BCAS3: variants seen among roughly 807,000 people sequenced by gnomAD.
BCAS3 encodes BCAS3 microtubule associated cell migration factor, also known as BCAS4/BCAS3 fusion.
Under a neutral mutation model 116.1 loss-of-function variants are expected in BCAS3, and 53 were observed. The observed-to-expected ratio is 0.46, with a 90% CI of 0.37 to 0.57. BCAS3 has a LOEUF of 0.57. BCAS3 is among the 20% of genes least tolerant of loss of function. The probability of loss-of-function intolerance (pLI) is 0.00; values close to 1 mark genes in which losing one functional copy is unlikely to be tolerated. For synonymous variants in BCAS3, 391 were observed against 408.2 expected (o/e 0.96, Z 0.51); for missense variants, 917 against 1,165.4 (o/e 0.79, Z 3.10).
chr17:61,285,336 A>AAAAGAACTGAGTGCTGCT lies in BCAS3; in HGVS notation c.2426-82990_2426-82973dup, dbSNP rs1360401007. Among the ~76,000 whole-genome samples, 2 of 152,286 alleles carry AAAAGAACTGAGTGCTGCT rather than the reference A, an allele frequency of 1.3e-5. No individual in the cohort carries two copies. Among genetic ancestry groups the AAAAGAACTGAGTGCTGCT allele is most frequent in the East Asian group, 3.9e-4 (2 of 5,186 alleles). Reference sequence around the variant, plus strand: ...AGAGTCCCTGCTAATAAATGTATATAAAAGAACTGAGTGCTGCTTCTCCAA... The same window carrying AAAAGAACTGAGTGCTGCT: ...AGAGTCCCTGCTAATAAATGTATATAAAAGAACTGAGTGCTGCTAAAGAACTGAGTGCTGCTTCTCCAA... On this transcript the variant is annotated intron_variant, in intron 22 of 23. Transcript: ENST00000407086. This position sits in a 1 kb window ranked among gnomAD's most constrained non-coding sequence, Gnocchi z 5.4.
chr17:61,014,706 G>A (rs1396985882), intron 15 of BCAS3, among the ~76,000 whole-genome samples: 1 of 151,594 alleles, frequency 6.6e-6, no homozygotes, highest in Non-Finnish European at 1.5e-5. Flanking sequence ...TCTGTTTTTT[G>A]AGGATGACAT....
intron 22 of BCAS3, among the ~76,000 whole-genome samples, chr17:61,240,197 A>G (rs548445585): frequency 2.0e-5 from 3 of 152,176 alleles, no homozygotes; most frequent in Non-Finnish European, 4.4e-5. Flanking sequence ...CTACAGACAT[A>G]ATTTCTTCTA....
chr17:61,159,660 A>G (rs886789550), intron 22 of BCAS3, among the ~76,000 whole-genome samples: 6 of 152,186 alleles, frequency 3.9e-5, no homozygotes, highest in African/African-American at 1.4e-4. Flanking sequence ...TCATCTTTTC[A>G]GAGGCCTGGA....
chr17:60,711,600 G>T (rs1008402727), intron 5 of BCAS3, among the ~76,000 whole-genome samples: 1 of 151,958 alleles, frequency 6.6e-6, no homozygotes, highest in Non-Finnish European at 1.5e-5. Context: ...TATAATTGGG[G>T]ATATTAATTT....
rs530313794 is a variant in BCAS3, at chr17:61,046,802, A to G, written c.2029+5910A>G. 2.4e-4 allele frequency among the ~76,000 whole-genome samples: 36 copies of G among 152,028 alleles called. 1 individual carries two copies. The highest frequency in any genetic ancestry group is 5.9e-4 in the Admixed American group (9 of 15,260). On this transcript the variant is annotated intron_variant, in intron 19 of 23. Coordinates refer to ENST00000407086, the MANE Select transcript of BCAS3 (RefSeq NM_017679.5). ...AAGCATTTTTTTTGTGTGTGTTTGG[A>G]TCTGTGGATCAAGTGAAGCAGACTT... is the stretch of plus-strand genomic sequence containing the variant.
chr17:60,745,748 C>T (rs1011799282), intron 5 of BCAS3, among the ~76,000 whole-genome samples: 12 of 151,968 alleles, frequency 7.9e-5, no homozygotes, highest in Admixed American at 7.9e-4. Flanking sequence ...CACAGTTAGT[C>T]CTAGCATTCT....
chr17:61,044,465 A>AAAAATATATATATATATAT, intron 19 of BCAS3, among the ~76,000 whole-genome samples: 8 of 120,116 alleles, frequency 6.7e-5, no homozygotes, highest in African/African-American at 4.0e-4. Flanking sequence ...AAAAAAAAAA[A>AAAAATATATATATATATAT]ATATATATAT....
chr17:60,797,493 T>G (rs1568272806), intron 6 of BCAS3, among the ~76,000 whole-genome samples: 1 of 152,016 alleles, frequency 6.6e-6, no homozygotes. Flanking sequence ...GGACTACAGG[T>G]GTGTAGCACC....
At chr17:60,901,971 A>G (rs1430514934) in intron 10 of BCAS3, among the ~76,000 whole-genome samples, 3 of 152,226 alleles carry the variant, frequency 2.0e-5, no homozygotes, top group African/African-American at 7.2e-5. Context: ...ATGTGAAATA[A>G]TCATGCATAT....
In BCAS3 at chr17:61,084,166, C is replaced by T. The variant is rs562053549; in HGVS notation, c.2328-301C>T. ...TATAAACATTTTCAGTGTTTAATTT[C>T]CTCTCCCATTCTACTTATTGTATCC... is the stretch of plus-strand genomic sequence containing the variant. On this transcript the variant is annotated intron_variant, in intron 21 of 23. Coordinates refer to ENST00000407086, the MANE Select transcript of BCAS3 (RefSeq NM_017679.5). The surrounding 1 kb of genome is among the most constrained non-coding windows in gnomAD (Gnocchi z 5.5). Among the ~76,000 whole-genome samples the T allele has an allele frequency of 6.6e-6, 1 of 152,192 alleles. No individual in the cohort carries two copies. The highest frequency in any genetic ancestry group is 1.5e-5 in the Non-Finnish European group (1 of 68,028).
chr17:61,044,465 A>AT (rs1555683921), intron 19 of BCAS3, among the ~76,000 whole-genome samples: 6,652 of 118,456 alleles, frequency 0.056, 251 homozygotes, highest in Middle Eastern at 0.14. Context: ...AAAAAAAAAA[A>AT]ATATATATAT....
chr17:60,732,677 A>G (rs2040574467), intron 5 of BCAS3, among the ~76,000 whole-genome samples: 1 of 152,102 alleles, frequency 6.6e-6, no homozygotes, highest in South Asian at 2.1e-4. Context: ...CGTGTCTACT[A>G]AAAACACAAA....
chr17:61,380,514 C>T lies in BCAS3; in HGVS notation c.2594-11463C>T, dbSNP rs1377183097. The T allele has an allele frequency of 6.3e-7, 1 of 1,597,932 alleles. No homozygotes were observed. The highest frequency in any genetic ancestry group is 8.5e-7 in the Non-Finnish European group (1 of 1,179,378). Reference sequence around the variant, plus strand: ...TTTTATTTTCAATACAGACACAGCCCTTGACGTAGCAGTAAAAACCTTCCC... The same window carrying T: ...TTTTATTTTCAATACAGACACAGCCTTTGACGTAGCAGTAAAAACCTTCCC... On this transcript the variant is annotated intron_variant, in intron 23 of 23. Coordinates refer to ENST00000407086, the MANE Select transcript of BCAS3 (RefSeq NM_017679.5). This position sits in a 1 kb window ranked among gnomAD's most constrained non-coding sequence, Gnocchi z 4.2.
chr17:60,922,777 A>G (rs1005585031), intron 12 of BCAS3, among the ~76,000 whole-genome samples: 1 of 152,246 alleles, frequency 6.6e-6, no homozygotes, highest in Non-Finnish European at 1.5e-5. Context: ...ATGGAAATCA[A>G]TAACAAAATT....
intron 22 of BCAS3, among the ~76,000 whole-genome samples, chr17:61,173,562 A>G (rs904672037): frequency 6.6e-5 from 10 of 152,284 alleles, no homozygotes; most frequent in African/African-American, 2.4e-4. Context: ...CCTATATTAG[A>G]AAAGAAAAAA....
At position 60,812,124 on chromosome 17, in the gene BCAS3, G is replaced by C. The variant is rs569252051; in HGVS notation, c.476+4048G>C. On this transcript the variant is annotated intron_variant, in intron 7 of 23. Coordinates refer to ENST00000407086, the MANE Select transcript of BCAS3 (RefSeq NM_017679.5). The stretch of plus-strand genomic sequence containing the variant: ...GGATGTAGACCTAATATGTCTTGTT[G>C]TTAAGTTTTTGTCTAAATGTTTGTA... Among the ~76,000 whole-genome samples, 20 of 152,148 alleles carry C rather than the reference G, an allele frequency of 1.3e-4. No homozygotes were observed. In the East Asian group the frequency reaches 3.9e-3, roughly 29 times the overall value.
intron 6 of BCAS3, among the ~76,000 whole-genome samples, chr17:60,803,308 T>C (rs1455465372): frequency 1.3e-5 from 2 of 152,208 alleles, no homozygotes; most frequent in Non-Finnish European, 2.9e-5. Flanking sequence ...GTTTTTCAGA[T>C]AGCCGATATC....
chr17:60,865,116 A>T (rs2054483270), intron 7 of BCAS3, among the ~76,000 whole-genome samples: 1 of 152,098 alleles, frequency 6.6e-6, no homozygotes, highest in Admixed American at 6.6e-5. Context: ...TGATGGAGAG[A>T]CACTAGTTGA....
rs775170713 is a variant in BCAS3, at chr17:61,199,725, TC to T, written c.2425+115164del. Among the ~76,000 whole-genome samples, 4,623 of 152,266 alleles carry T rather than the reference TC, an allele frequency of 0.03. 188 individuals carry two copies. Among genetic ancestry groups the T allele is most frequent in the East Asian group, 0.21 (1,062 of 5,178 alleles). ...CAGTGACAGCTTAATTTTGATAGGA[TC>T]CCTATGATCTTTGTAAGCGTATTCA... On this transcript the variant is annotated intron_variant, in intron 22 of 23. Coordinates refer to ENST00000407086, the MANE Select transcript of BCAS3 (RefSeq NM_017679.5). This position sits in a 1 kb window ranked among gnomAD's most constrained non-coding sequence, Gnocchi z 4.6.
Sources: gnomAD v4.1 joint callset for allele counts (sites outside exome capture counted in the v4.1 genomes callset) on GRCh38, gnomAD v4.1.1 for gene constraint, Gnocchi (gnomAD v3.1) non-coding constraint, MANE v1.5 for transcripts, NCBI Gene and HGNC (gene_info 2026-07-23, HGNC 2026-07-21) for gene names.